NFATC1: variants seen among roughly 807,000 people sequenced by gnomAD.
The protein encoded by NFATC1 is nuclear factor of activated T-cells, cytoplasmic 1.
A neutral mutation model predicts 76.0 loss-of-function variants in NFATC1; 22 were observed. The ratio of observed to expected loss-of-function variants is 0.29; its 90% CI spans 0.21 to 0.41. NFATC1 has a LOEUF of 0.41. Ranked by LOEUF, NFATC1 falls within the 10% of genes least tolerant of loss-of-function variation. NFATC1 has a pLI of 1.00. For missense variants in NFATC1, 1,357 were observed against 1,337.7 expected, an observed-to-expected ratio of 1.01 and a Z score of -0.23; for synonymous variants, 704 against 613.1, an observed-to-expected ratio of 1.15 and a Z score of -2.19.
At chr18:79,446,957 G>A (rs571207167) in intron 3 of NFATC1, among the ~76,000 whole-genome samples, 10 of 152,206 alleles carry the variant, frequency 6.6e-5, no homozygotes, top group East Asian at 1.9e-4. Flanking sequence ...CCTGGGTCCC[G>A]GCTCAGCCTC....
At chr18:79,478,664 C>T (rs1020443977) in intron 8 of NFATC1, among the ~76,000 whole-genome samples, 9 of 152,172 alleles carry the variant, frequency 5.9e-5, no homozygotes. Flanking sequence ...AGGGGAGGTC[C>T]TGGAGGAGAG....
chr18:79,409,950 G>A (rs2148182764), intron 1 of NFATC1: 2 of 506,152 alleles, frequency 4.0e-6, no homozygotes, highest in East Asian at 5.4e-5. Context: ...CACGTGTTGA[G>A]TTTGGGGTTT....
At chr18:79,414,737 C>G (rs752993461) in intron 2 of NFATC1, among the ~76,000 whole-genome samples, 6 of 152,190 alleles carry the variant, frequency 3.9e-5, no homozygotes, top group Middle Eastern at 3.2e-3. Context: ...GCTGTGAATT[C>G]TGGCATCAGA....
At chr18:79,442,121 G>A (rs2087000409) in intron 3 of NFATC1, among the ~76,000 whole-genome samples, 1 of 152,204 alleles carries the variant, frequency 6.6e-6, no homozygotes, top group Non-Finnish European at 1.5e-5. Context: ...GCATGGCACA[G>A]GTTGGGAGAG....
At chr18:79,461,977 C>T (rs1473140731) in intron 7 of NFATC1, among the ~76,000 whole-genome samples, 1 of 152,246 alleles carries the variant, frequency 6.6e-6, no homozygotes, top group Non-Finnish European at 1.5e-5. Flanking sequence ...TGCATGTGTG[C>T]GGGGTCGTGG....
intron 6 of NFATC1, among the ~76,000 whole-genome samples, chr18:79,458,054 C>T (rs1218196468): frequency 6.6e-6 from 1 of 152,224 alleles, no homozygotes; most frequent in East Asian, 1.9e-4. Context: ...GTGCGTGAGT[C>T]CTGTGTGGAC....
At chr18:79,451,254 AGT>A in intron 5 of NFATC1, 128 bp downstream of exon 5, 1 of 1,180,674 alleles carries the variant, frequency 8.5e-7, no homozygotes, top group Non-Finnish European at 1.2e-6. Context: ...AACCCACCAC[AGT>A]GTGTGGCCAC....
chr18:79,406,774 C>A (rs1379655417), intron 1 of NFATC1, among the ~76,000 whole-genome samples: 1 of 152,122 alleles, frequency 6.6e-6, no homozygotes, highest in Non-Finnish European at 1.5e-5. Flanking sequence ...CCTCGTGGGT[C>A]CCCCACCGCG....
chr18:79,454,628 G>A (rs939202525), intron 6 of NFATC1, among the ~76,000 whole-genome samples: 13 of 152,334 alleles, frequency 8.5e-5, no homozygotes, highest in East Asian at 3.9e-4. Flanking sequence ...GTCTCAGGGC[G>A]GCGCAAAAGG....
chr18:79,439,794 C>T (rs2144706736), intron 3 of NFATC1, among the ~76,000 whole-genome samples: 1 of 152,292 alleles, frequency 6.6e-6, no homozygotes, highest in Admixed American at 6.5e-5. Context: ...AAGCAAAGCC[C>T]ACGGGCTCTG....
At chr18:79,471,343 C>T (rs912689963) in intron 8 of NFATC1, among the ~76,000 whole-genome samples, 4 of 152,034 alleles carry the variant, frequency 2.6e-5, no homozygotes, top group African/African-American at 9.7e-5. Context: ...GCACTTGTGC[C>T]CCCAGATACA....
chr18:79,464,024 A>G lies in NFATC1; in HGVS notation c.1959+2658A>G, dbSNP rs568756484. ...ATTTCGAGGGAAGCTTAACAGCTGTATGTTTTAAAAGAAACTTAAGAGCAC... is the reference window on the plus strand; with the variant it reads ...ATTTCGAGGGAAGCTTAACAGCTGTGTGTTTTAAAAGAAACTTAAGAGCAC... On this transcript the variant is annotated intron_variant, in intron 7 of 9. Transcript: ENST00000427363. 2.6e-5 allele frequency among the ~76,000 whole-genome samples: 4 copies of G among 152,382 alleles called. No homozygotes were observed. In the South Asian group the frequency reaches 8.3e-4, roughly 32 times the overall value.
Position 79,524,434 on chromosome 18 carries a change from C to T in NFATC1, c.2783-3094C>T, listed in dbSNP as rs921972663. On this transcript the variant is annotated intron_variant, in intron 9 of 9. Transcript: ENST00000427363. This position sits in a 1 kb window ranked among gnomAD's most constrained non-coding sequence, Gnocchi z 7.2. ...AGTGGTGTCAGGGTTGTCCATCCCG[C>T]TCTCTGTCAGCTGCTGCCATGGGGC... Among the ~76,000 whole-genome samples the T allele has an allele frequency of 2.6e-5, 4 of 152,214 alleles. No homozygotes were observed. The highest frequency in any genetic ancestry group is 9.6e-5 in the African/African-American group (4 of 41,452).
intron 2 of NFATC1, among the ~76,000 whole-genome samples, chr18:79,431,783 ACCT>A (rs2086597730): frequency 2.0e-5 from 3 of 151,408 alleles, no homozygotes; most frequent in Non-Finnish European, 1.5e-5. Context: ...GCTCACTGCA[ACCT>A]CCTCCTCTTC....
chr18:79,413,140 G>A (rs1326996314), intron 2 of NFATC1, among the ~76,000 whole-genome samples: 1 of 152,208 alleles, frequency 6.6e-6, no homozygotes, highest in Non-Finnish European at 1.5e-5. Flanking sequence ...TACGGACGGT[G>A]ACAAAGTCGT....
chr18:79,510,946 G>A (rs1244331937), intron 9 of NFATC1, among the ~76,000 whole-genome samples: 1 of 152,196 alleles, frequency 6.6e-6, no homozygotes, highest in African/African-American at 2.4e-5. Context: ...CTGCTCCGGG[G>A]CATCGTTCGC....
chr18:79,430,934 C>CTG (rs1216927459), intron 2 of NFATC1, among the ~76,000 whole-genome samples: 1 of 152,202 alleles, frequency 6.6e-6, no homozygotes, highest in African/African-American at 2.4e-5. Context: ...CTTGTCCTTC[C>CTG]TGTGTGGAGG....
chr18:79,443,139 C>T (rs1012123163), intron 3 of NFATC1, among the ~76,000 whole-genome samples: 2 of 152,230 alleles, frequency 1.3e-5, no homozygotes, highest in African/African-American at 4.8e-5. Context: ...TTTACAGCCA[C>T]AAATTCAGTT....
At chr18:79,502,207 G>T (rs752266705) in intron 9 of NFATC1, among the ~76,000 whole-genome samples, 2 of 152,134 alleles carry the variant, frequency 1.3e-5, no homozygotes, top group Non-Finnish European at 2.9e-5. Flanking sequence ...TTATGTCTGC[G>T]GTAAATTGAT....
Sources: allele counts gnomAD v4.1 joint callset (sites outside exome capture counted in the v4.1 genomes callset), GRCh38; gene constraint gnomAD v4.1.1; non-coding constraint Gnocchi (gnomAD v3.1); transcripts MANE v1.5; gene names NCBI Gene and HGNC (gene_info 2026-07-23, HGNC 2026-07-21).